MLLT3: variants seen among roughly 807,000 people sequenced by gnomAD.
The protein encoded by MLLT3 is protein AF-9.
A neutral mutation model predicts 53.2 loss-of-function variants in MLLT3; 4 were observed. That is an observed-to-expected ratio of 0.08 (90% CI 0.04 to 0.17). The LOEUF is 0.17. MLLT3 is among the 10% of genes least tolerant of loss of function. The pLI, the probability that MLLT3 is intolerant of heterozygous loss-of-function variation, is 1.00. For synonymous variants in MLLT3, 283 were observed against 230.6 expected, an observed-to-expected ratio of 1.23 and a Z score of -2.06; for missense variants, 569 against 684.0, an observed-to-expected ratio of 0.83 and a Z score of 1.87.
chr9:20,412,546 C>G (rs1822755450), intron 5 of MLLT3, among the ~76,000 whole-genome samples: 1 of 152,158 alleles, frequency 6.6e-6, no homozygotes, highest in Non-Finnish European at 1.5e-5. Context: ...CAGAACAGTA[C>G]AAACCCGGCA....
At chr9:20,440,412 T>C (rs752185198) in intron 4 of MLLT3, among the ~76,000 whole-genome samples, 4 of 152,184 alleles carry the variant, frequency 2.6e-5, no homozygotes, top group Non-Finnish European at 5.9e-5. Flanking sequence ...TCCTGATTAT[T>C]GTCAGGTTTT....
chr9:20,587,910 C>T (rs1048918936), intron 2 of MLLT3, among the ~76,000 whole-genome samples: 2 of 151,984 alleles, frequency 1.3e-5, no homozygotes, highest in African/African-American at 4.8e-5. Flanking sequence ...ACATGAAGTC[C>T]TTGCCCATGC....
intron 2 of MLLT3, among the ~76,000 whole-genome samples, chr9:20,533,776 T>C (rs1351726982): frequency 1.3e-5 from 2 of 152,230 alleles, no homozygotes; most frequent in African/African-American, 4.8e-5. Context: ...GAGGACATTA[T>C]GCTAAGTGTA....
At chr9:20,472,011 A>G (rs1419390896) in intron 2 of MLLT3, among the ~76,000 whole-genome samples, 2 of 152,210 alleles carry the variant, frequency 1.3e-5, no homozygotes, top group East Asian at 3.9e-4. Context: ...TAAATGACAT[A>G]AATTTGGAAG....
At chr9:20,588,912 A>G (rs1218698692) in intron 2 of MLLT3, among the ~76,000 whole-genome samples, 16 of 151,722 alleles carry the variant, frequency 1.1e-4, no homozygotes, top group South Asian at 8.4e-4. Flanking sequence ...TTAGAATGGC[A>G]ATCATTAAAA....
At position 20,355,553 on chromosome 9, in the gene MLLT3, A is replaced by G. The variant is rs77886982; in HGVS notation, c.1432-674T>C. 1.1e-4 allele frequency among the ~76,000 whole-genome samples: 17 copies of G among 152,346 alleles called. No individual in the cohort carries two copies. In the East Asian group the frequency reaches 2.9e-3, roughly 26 times the overall value. On this transcript the variant is annotated intron_variant, in intron 8 of 10. Transcript: ENST00000380338. Reference sequence around the variant, plus strand: ...GTGGGAAGCTATGTTTCTACTTAATAAAAAGGAGAAGCAAATTATTATTTA... The same window carrying G: ...GTGGGAAGCTATGTTTCTACTTAATGAAAAGGAGAAGCAAATTATTATTTA...
Position 20,413,743 on chromosome 9 carries a change from T to G in MLLT3, c.1103A>C (p.Glu368Ala). 1.2e-6 allele frequency: 2 copies of G among 1,607,010 alleles called. No individual in the cohort carries two copies. The highest frequency in any genetic ancestry group is 1.7e-6 in the Non-Finnish European group (2 of 1,177,432). The stretch of plus-strand genomic sequence containing the variant: ...CACATCAGATTTAGAGGATATATTC[T>G]CCTCCACATCTGAATCATTGGGATC... ...IVDPNDSDVE[E>A]NISSKSDSEQ... The change falls in exon 5 of 11, where the codon GAG becomes GCG. Residue 368 changes from glutamate (E) to alanine (A), a missense_variant. Coordinates refer to ENST00000380338, the MANE Select transcript of MLLT3 (RefSeq NM_004529.4).
At chr9:20,476,640 G>T (rs138045193) in intron 2 of MLLT3, among the ~76,000 whole-genome samples, 2 of 152,112 alleles carry the variant, frequency 1.3e-5, no homozygotes, top group African/African-American at 2.4e-5. Flanking sequence ...ATGGTACCTG[G>T]TTGAGATTCC....
intron 3 of MLLT3, among the ~76,000 whole-genome samples, chr9:20,455,307 T>A (rs771792106): frequency 6.6e-6 from 1 of 152,236 alleles, no homozygotes; most frequent in Non-Finnish European, 1.5e-5. Flanking sequence ...AGATCACGAA[T>A]CTGGTTTTAA....
At chr9:20,599,499 C>G (rs941810042) in intron 2 of MLLT3, among the ~76,000 whole-genome samples, 1 of 150,084 alleles carries the variant, frequency 6.7e-6, no homozygotes, top group Admixed American at 6.6e-5. Flanking sequence ...TCTCATGTTT[C>G]TCCCCATTGT....
rs953493593 is a variant in MLLT3, at chr9:20,382,568, C to G, written c.1126-16824G>C. On this transcript the variant is annotated intron_variant, in intron 5 of 10. Transcript: ENST00000380338. The stretch of plus-strand genomic sequence containing the variant: ...GACAGCAAACACATGGTCATGACTT[C>G]CCAATTGCTCATTCATCTAACACAT... The G allele has an allele frequency of 2.0e-5, 3 of 151,974 alleles. No individual in the cohort carries two copies. The South Asian group carries it at 6.2e-4, about 32-fold the overall frequency. 9.4% of individuals were successfully genotyped at this position (151,974 alleles called of 1,614,324 possible). A position where few individuals can be genotyped will look rare whatever the true frequency, so the allele number is the denominator to read the frequency against.
At chr9:20,573,228 T>G (rs1819577192) in intron 2 of MLLT3, among the ~76,000 whole-genome samples, 1 of 150,840 alleles carries the variant, frequency 6.6e-6, no homozygotes, top group African/African-American at 2.4e-5. Context: ...TCACCCAGGC[T>G]GAGTGTAGTG....
At chr9:20,619,417 T>C (rs183733876) in intron 2 of MLLT3, among the ~76,000 whole-genome samples, 137 of 150,802 alleles carry the variant, frequency 9.1e-4, no homozygotes, top group Non-Finnish European at 1.6e-3. Flanking sequence ...TACAAACCTC[T>C]GCCACCTCTA....
intron 5 of MLLT3, among the ~76,000 whole-genome samples, chr9:20,392,182 A>G (rs975936024): frequency 6.6e-6 from 1 of 152,162 alleles, no homozygotes; most frequent in Non-Finnish European, 1.5e-5. Context: ...TAAGAGCACT[A>G]CTTCCAAAAT....
rs867471485 is a variant in MLLT3, at chr9:20,598,634, A to G, written c.193+22020T>C. Among the ~76,000 whole-genome samples the G allele has an allele frequency of 2.0e-5, 3 of 152,346 alleles. No homozygotes were observed. In the South Asian group the frequency reaches 6.2e-4, roughly 32 times the overall value. On this transcript the variant is annotated intron_variant, in intron 2 of 10. Coordinates refer to ENST00000380338, the MANE Select transcript of MLLT3 (RefSeq NM_004529.4). ...AAGACAAATGACACAAAACAAAATA[A>G]AGTTATCTAATTACCAGAAGTGATG...
intron 2 of MLLT3, among the ~76,000 whole-genome samples, chr9:20,457,229 C>T (rs114059882): frequency 0.017 from 2,257 of 132,874 alleles, 76 homozygotes; most frequent in African/African-American, 0.06. Flanking sequence ...GATGTCCTGA[C>T]AAGGACATCT....
chr9:20,488,393 G>T (rs1824865945), intron 2 of MLLT3, among the ~76,000 whole-genome samples: 1 of 151,724 alleles, frequency 6.6e-6, no homozygotes, highest in Admixed American at 6.6e-5. Context: ...CAATAAAAAA[G>T]AAAAAAACTA....
At chr9:20,354,736 A>G in intron 9 of MLLT3, 72 bp downstream of exon 9, 1 of 1,005,680 alleles carries the variant, frequency 9.9e-7, no homozygotes, top group South Asian at 1.3e-5. Flanking sequence ...AGCAAGGATG[A>G]TCAAGGGCAA....
chr9:20,476,131 T>C (rs1285618520), intron 2 of MLLT3, among the ~76,000 whole-genome samples: 4 of 152,000 alleles, frequency 2.6e-5, no homozygotes, highest in Non-Finnish European at 4.4e-5. Flanking sequence ...CACGCAATCA[T>C]AGTTCACAGT....
Sources: gnomAD v4.1 joint callset for allele counts (sites outside exome capture counted in the v4.1 genomes callset) on GRCh38, gnomAD v4.1.1 for gene constraint, MANE v1.5 for transcripts, NCBI Gene and HGNC (gene_info 2026-07-23, HGNC 2026-07-21) for gene names.